MARCHF1: variants seen among roughly 807,000 people sequenced by gnomAD.
MARCHF1 encodes membrane associated ring-CH-type finger 1.
MARCHF1 carries 40 observed loss-of-function variants against 54.2 expected under a neutral mutation model. The observed-to-expected ratio is 0.74, with a 90% confidence interval of 0.57 to 0.96. MARCHF1 has a LOEUF of 0.96. Among genes scored for constraint, MARCHF1 ranks in the 40% least tolerant of loss-of-function variants. MARCHF1 has a pLI of 0.00. For synonymous variants in MARCHF1, 236 were observed against 236.3 expected (o/e 1.00, Z 0.01); for missense variants, 586 against 656.5 (o/e 0.89, Z 1.17).
At chr4:164,135,808 T>C (rs547817213) in intron 1 of MARCHF1, among the ~76,000 whole-genome samples, 2 of 152,212 alleles carry the variant, frequency 1.3e-5, no homozygotes, top group Non-Finnish European at 2.9e-5. Context: ...CTAAGAAATA[T>C]CCACACCAGG....
rs372560064 is a variant in MARCHF1 at position 164,316,496 on chromosome 4, A to T, written c.-323+67374T>A. ...TAACATTGTGCTTCCTATAAAAAGGATAAGAAAAAAGATGAGTAAAAAGAC... is the reference window on the plus strand; with the variant it reads ...TAACATTGTGCTTCCTATAAAAAGGTTAAGAAAAAAGATGAGTAAAAAGAC... On this transcript the variant is annotated intron_variant, in intron 1 of 9. Coordinates refer to ENST00000514618, the MANE Select transcript of MARCHF1 (RefSeq NM_001394959.1). 6.6e-5 allele frequency among the ~76,000 whole-genome samples: 10 copies of T among 152,278 alleles called. No individual in the cohort carries two copies. In the East Asian group the frequency reaches 1.9e-3, roughly 29 times the overall value.
intron 4 of MARCHF1, among the ~76,000 whole-genome samples, chr4:163,733,227 G>GTATATATA (rs1241873225): frequency 1.4e-4 from 2 of 13,830 alleles, no homozygotes; most frequent in South Asian, 4.5e-3. Context: ...ATATACACGT[G>GTATATATA]TATATATATA....
intron 1 of MARCHF1, among the ~76,000 whole-genome samples, chr4:164,164,849 T>C (rs34730074): frequency 0.045 from 6,901 of 152,008 alleles, 218 homozygotes; most frequent in Middle Eastern, 0.15. Context: ...TTTTATAAAA[T>C]AAAATGAAAT....
intron 1 of MARCHF1, chr4:164,197,421 T>C: frequency 6.2e-7 from 1 of 1,613,538 alleles, no homozygotes. Context: ...TGCTGAGGTC[T>C]TTAATTTTGT....
chr4:163,648,798 C>T (rs1180928324), intron 5 of MARCHF1, among the ~76,000 whole-genome samples: 3 of 151,626 alleles, frequency 2.0e-5, no homozygotes, highest in Non-Finnish European at 1.5e-5. Context: ...CAAAAAAGAA[C>T]GTGGAATTTG....
intron 3 of MARCHF1, among the ~76,000 whole-genome samples, chr4:163,981,054 C>T (rs907511375): frequency 9.2e-5 from 14 of 152,096 alleles, no homozygotes; most frequent in Non-Finnish European, 1.3e-4. Context: ...TAGCTGGTGC[C>T]TCACTTAAAT....
chr4:163,949,851 A>G (rs1752098939), intron 3 of MARCHF1, among the ~76,000 whole-genome samples: 2 of 152,300 alleles, frequency 1.3e-5, no homozygotes, highest in East Asian at 3.9e-4. Flanking sequence ...GAGGAGACCC[A>G]TATTGGGTAG....
At chr4:163,914,087 TTG>T (rs535386009) in intron 3 of MARCHF1, among the ~76,000 whole-genome samples, 225 of 16,860 alleles carry the variant, frequency 0.013, no homozygotes, top group South Asian at 0.079. Context: ...TGTGGAAAAA[TTG>T]TGTTTTTTTC....
At chr4:164,229,225 T>G (rs1732341399) in intron 1 of MARCHF1, among the ~76,000 whole-genome samples, 1 of 152,168 alleles carries the variant, frequency 6.6e-6, no homozygotes, top group Non-Finnish European at 1.5e-5. Context: ...AGACTCAGTG[T>G]AATTGTTTTT....
chr4:164,050,642 CA>C (rs1466934747), intron 2 of MARCHF1, among the ~76,000 whole-genome samples: 20 of 152,102 alleles, frequency 1.3e-4, no homozygotes, highest in Non-Finnish European at 2.4e-4. Context: ...GTCAGGTCCA[CA>C]GCAGACCTAG....
chr4:163,556,750 A>G (rs1739305401), intron 8 of MARCHF1, among the ~76,000 whole-genome samples: 1 of 152,176 alleles, frequency 6.6e-6, no homozygotes, highest in Non-Finnish European at 1.5e-5. Context: ...TGTTTTAGTT[A>G]CTATATCTAA....
intron 4 of MARCHF1, among the ~76,000 whole-genome samples, chr4:163,818,443 T>C (rs1225641813): frequency 6.6e-6 from 1 of 152,118 alleles, no homozygotes; most frequent in Non-Finnish European, 1.5e-5. Context: ...ATATTTTTTG[T>C]CCAACTCTCA....
rs544404054 is a variant in MARCHF1, at chr4:163,692,154, A to G, written c.162+8659T>C. Among the ~76,000 whole-genome samples the G allele has an allele frequency of 2.0e-5, 3 of 152,350 alleles. No individual in the cohort carries two copies. In the South Asian group the frequency reaches 6.2e-4, roughly 32 times the overall value. ...AAGAACTTATGTATTATAAGTTAACAAAACAAAGCAGGCTCTATTCATTAA... is the reference window on the plus strand; with the variant it reads ...AAGAACTTATGTATTATAAGTTAACGAAACAAAGCAGGCTCTATTCATTAA... On this transcript the variant is annotated intron_variant, in intron 5 of 9. Coordinates refer to ENST00000514618, the MANE Select transcript of MARCHF1 (RefSeq NM_001394959.1).
intron 1 of MARCHF1, among the ~76,000 whole-genome samples, chr4:164,137,057 T>C (rs1050886072): frequency 6.6e-6 from 1 of 152,208 alleles, no homozygotes; most frequent in Non-Finnish European, 1.5e-5. Context: ...TCTAAACAAT[T>C]TGTTCATATC....
intron 2 of MARCHF1, among the ~76,000 whole-genome samples, chr4:164,071,620 T>A (rs904164091): frequency 6.6e-6 from 1 of 152,280 alleles, no homozygotes; most frequent in Admixed American, 6.5e-5. Flanking sequence ...TTAATTCAAC[T>A]TGTCATAAGG....
intron 3 of MARCHF1, among the ~76,000 whole-genome samples, chr4:163,945,531 T>C (rs2110765409): frequency 6.6e-6 from 1 of 152,310 alleles, no homozygotes; most frequent in Non-Finnish European, 1.5e-5. Flanking sequence ...AGCCTAGGTC[T>C]TTCTGAATTA....
At chr4:164,345,798 A>C (rs1414067010) in intron 1 of MARCHF1, among the ~76,000 whole-genome samples, 2 of 151,734 alleles carry the variant, frequency 1.3e-5, no homozygotes, top group African/African-American at 4.8e-5. Flanking sequence ...TTTTGTTTTC[A>C]AAGTTGTTTA....
chr4:163,735,898 C>A (rs936017647), intron 4 of MARCHF1, among the ~76,000 whole-genome samples: 4 of 152,086 alleles, frequency 2.6e-5, no homozygotes, highest in African/African-American at 9.7e-5. Flanking sequence ...GGATACATTA[C>A]AAGATAGTGG....
Position 163,731,686 on chromosome 4 carries a change from T to C in MARCHF1, c.112-30823A>G, listed in dbSNP as rs573212532. Among the ~76,000 whole-genome samples the C allele has an allele frequency of 1.1e-4, 17 of 152,270 alleles. No individual in the cohort carries two copies. The South Asian group carries it at 2.9e-3, about 26-fold the overall frequency. On this transcript the variant is annotated intron_variant, in intron 4 of 9. Transcript: ENST00000514618. ...TCAGCTGAGTATTGATCATCACATA[T>C]ATGTGAAGAAACTACCTAAAGGAAT...
Sources: gnomAD v4.1 joint callset for allele counts (sites outside exome capture counted in the v4.1 genomes callset) on GRCh38, gnomAD v4.1.1 for gene constraint, MANE v1.5 for transcripts, NCBI Gene and HGNC (gene_info 2026-07-23, HGNC 2026-07-21) for gene names.